Variants in MYOM1 observed in about 807,000 individuals in gnomAD.
MYOM1 encodes the protein myomesin 1, also known as myomesin-1.
A neutral mutation model predicts 205.3 loss-of-function variants in MYOM1; 164 were observed. That is an observed-to-expected ratio of 0.80 (90% CI 0.70 to 0.91). The LOEUF (loss-of-function observed/expected upper bound fraction) is 0.91, where lower values mean the gene tolerates loss of function less well. Ranked by LOEUF, MYOM1 falls within the 40% of genes least tolerant of loss-of-function variation. MYOM1 has a pLI of 0.00. For synonymous variants in MYOM1, 772 were observed against 789.4 expected, an observed-to-expected ratio of 0.98 and a Z score of 0.37; for missense variants, 2,011 against 2,127.3, an observed-to-expected ratio of 0.95 and a Z score of 1.08.
Position 3,151,893 on chromosome 18 carries a change from C to T in MYOM1, c.1644G>A (p.Lys548=), listed in dbSNP as rs1184886459. The change falls in exon 12 of 38, where the codon AAG becomes AAA. Residue 548 remains lysine (K), a splice_region_variant and synonymous_variant. Transcript: ENST00000356443. ...GSPILGYFID[K]CEVGTDSWSQ... is the part of the protein sequence containing the mutation. ...ACCAGCTATCTGTGCCCACCTCACA[C>T]CTAAAGGAATGAGCGTGATTGACAA... 1 of 1,610,586 alleles carries T rather than the reference C, an allele frequency of 6.2e-7. No homozygotes were observed. The highest frequency in any genetic ancestry group is 1.1e-5 in the South Asian group (1 of 90,692).
intron 2 of MYOM1, among the ~76,000 whole-genome samples, chr18:3,201,651 CT>C (rs1196638648): frequency 1.7e-3 from 241 of 141,582 alleles, no homozygotes; most frequent in Middle Eastern, 3.7e-3. Flanking sequence ...CTATTAAATT[CT>C]TTTTTTTTTT....
intron 3 of MYOM1, among the ~76,000 whole-genome samples, chr18:3,190,002 T>C (rs2080882301): frequency 6.6e-6 from 1 of 152,224 alleles, no homozygotes; most frequent in Non-Finnish European, 1.5e-5. Context: ...TGTGTGTGCA[T>C]ATACTATGTG....
rs1003002578 is a variant in MYOM1, at chr18:3,083,802, T to C, written c.4471A>G (p.Asn1491Asp). The C allele has an allele frequency of 2.5e-6, 4 of 1,570,966 alleles. No homozygotes were observed. The highest frequency in any genetic ancestry group is 1.9e-5 in the Admixed American group (1 of 53,562). ...VTYYVEDLKVNWSHNGSAIRY... is the reference protein window; with the variant it reads ...VTYYVEDLKVDWSHNGSAIRY... ...TCATTTACTTACTTGTGGGACCAGT[T>C]AACTTTCAAATCCTCCACATAGTAA... Residue 1491 changes from asparagine to aspartate, a missense_variant, in exon 33 of 38, where the codon AAC (asparagine) becomes GAC (aspartate). Transcript: ENST00000356443.
chr18:3,156,512 G>C (rs992841891), intron 10 of MYOM1, among the ~76,000 whole-genome samples: 1 of 152,212 alleles, frequency 6.6e-6, no homozygotes, highest in Non-Finnish European at 1.5e-5. Context: ...AGTGCTATAG[G>C]AGAATGTAAC....
chr18:3,162,312 A>G (rs2080402798), intron 10 of MYOM1, among the ~76,000 whole-genome samples: 1 of 152,110 alleles, frequency 6.6e-6, no homozygotes. Context: ...GTTCTGCCTT[A>G]ATCATCCCCG....
chr18:3,181,317 T>C (rs979961030), intron 5 of MYOM1, among the ~76,000 whole-genome samples: 3 of 84,948 alleles, frequency 3.5e-5, no homozygotes, highest in African/African-American at 6.2e-5. Flanking sequence ...AGACCCACTT[T>C]AAAAACTATC....
chr18:3,199,470 T>A (rs1388285152), intron 2 of MYOM1, among the ~76,000 whole-genome samples: 2 of 152,196 alleles, frequency 1.3e-5, no homozygotes, highest in African/African-American at 4.8e-5. Flanking sequence ...CATCATTGGT[T>A]GACTGCAAGC....
In MYOM1 at chr18:3,164,424, GGA is replaced by G. The variant is rs1390887975; in HGVS notation, c.1353_1354del (p.Pro452IlefsTer25). 5 of 1,600,792 alleles carry G rather than the reference GGA, an allele frequency of 3.1e-6. No individual in the cohort carries two copies. Among genetic ancestry groups the G allele is most frequent in the East Asian group, 4.5e-5 (2 of 44,760 alleles). On this transcript the variant is annotated frameshift_variant, in exon 10 of 38. Transcript: ENST00000356443. LOFTEE classifies it high-confidence loss of function. ...CCAAAGTGTTTGCACCCATTTTGAT[GGA>G]GAAAGAGGTACTCCTAGAAATATTT...
chr18:3,177,482 ATTATTT>A (rs200247797), intron 5 of MYOM1, among the ~76,000 whole-genome samples: 7,489 of 134,580 alleles, frequency 0.056, 197 homozygotes, highest in South Asian at 0.079. Context: ...TATTATTATT[ATTATTT>A]GAGACAGAGT....
intron 2 of MYOM1, among the ~76,000 whole-genome samples, chr18:3,214,311 T>C (rs1166613635): frequency 2.0e-5 from 3 of 152,198 alleles, no homozygotes; most frequent in African/African-American, 7.2e-5. Context: ...GAAATGATCT[T>C]TTCTCGCCCT....
chr18:3,083,959 C>T, intron 32 of MYOM1, 30 bp downstream of exon 32: 1 of 1,585,312 alleles, frequency 6.3e-7, no homozygotes, highest in Non-Finnish European at 8.6e-7. Flanking sequence ...GATCATAAAG[C>T]ATTGTTGTGG....
chr18:3,188,802 C>CT lies in MYOM1; in HGVS notation c.716dup (p.Ser240ValfsTer31). The CT allele has an allele frequency of 6.2e-7, 1 of 1,607,992 alleles. No individual in the cohort carries two copies. Among genetic ancestry groups the CT allele is most frequent in the Non-Finnish European group, 8.5e-7 (1 of 1,175,444 alleles). ...TTTCTCGAATCACAACTTTCCTTGA[C>CT]TTCTTTTCAGAAGTTTCTTCCTGTT... On this transcript the variant is annotated frameshift_variant, in exon 4 of 38. Coordinates refer to ENST00000356443, the MANE Select transcript of MYOM1 (RefSeq NM_003803.4). LOFTEE classifies it high-confidence loss of function.
intron 13 of MYOM1, 70 bp downstream of exon 13, chr18:3,149,075 C>G (rs1447138071): frequency 1.6e-6 from 2 of 1,259,010 alleles, no homozygotes; most frequent in Non-Finnish European, 2.3e-6. Context: ...CACACTGCAC[C>G]CTCCACAACA....
At chr18:3,154,688 T>C (rs1352110670) in intron 11 of MYOM1, among the ~76,000 whole-genome samples, 1 of 151,844 alleles carries the variant, frequency 6.6e-6, no homozygotes, top group Non-Finnish European at 1.5e-5. Flanking sequence ...TATATATATA[T>C]GTAGGTACCA....
rs2078904116 is a variant in MYOM1 at position 3,067,142 on chromosome 18, A to G, written c.*120T>C. 2 of 1,135,976 alleles carry G rather than the reference A, an allele frequency of 1.8e-6. No individual in the cohort carries two copies. The highest frequency in any genetic ancestry group is 2.4e-6 in the Non-Finnish European group (2 of 817,628). The allele number at this position is 1,135,976 out of a possible 1,614,324, so 70.4% of individuals were successfully genotyped here. ...TTTTTATATGAGTGAAAGACCTGACATTATTTTCCCCTCAAGCCAGAAAAT... is the reference window on the plus strand; with the variant it reads ...TTTTTATATGAGTGAAAGACCTGACGTTATTTTCCCCTCAAGCCAGAAAAT... On this transcript the variant is annotated 3_prime_UTR_variant, in exon 38 of 38. Transcript: ENST00000356443.
At chr18:3,231,773 A>T in the MYOM1 span, among the ~76,000 whole-genome samples, 2 of 145,046 alleles carry the variant, frequency 1.4e-5, no homozygotes, top group African/African-American at 2.6e-5. Context: ...CGATTTCTTG[A>T]CCTCGTGATC....
chr18:3,067,953 C>T (rs1288511395), intron 37 of MYOM1, among the ~76,000 whole-genome samples: 1 of 152,296 alleles, frequency 6.6e-6, no homozygotes, highest in African/African-American at 2.4e-5. Context: ...CACCTGCTCA[C>T]TTTTGCCTTT....
intron 4 of MYOM1, among the ~76,000 whole-genome samples, chr18:3,188,272 T>C (rs1055545460): frequency 6.6e-6 from 1 of 152,192 alleles, no homozygotes; most frequent in Non-Finnish European, 1.5e-5. Flanking sequence ...TTAATGTCTT[T>C]CTCCTTGTTT....
chr18:3,103,878 G>A (rs1210095664), intron 22 of MYOM1, among the ~76,000 whole-genome samples: 1 of 152,210 alleles, frequency 6.6e-6, no homozygotes, highest in Non-Finnish European at 1.5e-5. Flanking sequence ...GGCAGTGTAT[G>A]CTTCAACTAT....
Sources: gnomAD v4.1 joint callset for allele counts (sites outside exome capture counted in the v4.1 genomes callset) on GRCh38, gnomAD v4.1.1 for gene constraint, MANE v1.5 for transcripts, NCBI Gene and HGNC (gene_info 2026-07-23, HGNC 2026-07-21) for gene names.